Variants in RCOR3 observed in about 807,000 individuals in gnomAD.
RCOR3 encodes the protein REST corepressor 3.
A neutral mutation model predicts 64.1 loss-of-function variants in RCOR3; 13 were observed. That is an observed-to-expected ratio of 0.20 (90% CI 0.13 to 0.32). The LOEUF (loss-of-function observed/expected upper bound fraction) is 0.32, where lower values mean the gene tolerates loss of function less well. Ranked by LOEUF, RCOR3 falls within the 10% of genes least tolerant of loss-of-function variation. The pLI is 1.00. For synonymous variants in RCOR3, 215 were observed against 239.0 expected, an observed-to-expected ratio of 0.90 and a Z score of 0.93; for missense variants, 489 against 701.2, an observed-to-expected ratio of 0.70 and a Z score of 3.42.
At chr1:211,299,598 A>C (rs997248555) in intron 9 of RCOR3, among the ~76,000 whole-genome samples, 1 of 152,110 alleles carries the variant, frequency 6.6e-6, no homozygotes, top group Non-Finnish European at 1.5e-5. Flanking sequence ...GTATGAATCT[A>C]CCACTCACGA....
chr1:211,260,927 A>C (rs1370904294), intron 2 of RCOR3: 1 of 152,138 alleles, frequency 6.6e-6, no homozygotes, highest in East Asian at 1.9e-4. Context: ...TTCTCCAAAC[A>C]GGCTCCCCGG....
intron 5 of RCOR3, among the ~76,000 whole-genome samples, chr1:211,277,804 A>T (rs1697224162): frequency 6.6e-6 from 1 of 152,144 alleles, no homozygotes; most frequent in South Asian, 2.1e-4. Flanking sequence ...TAAAATAGAG[A>T]ATTTTATTTT....
intron 10 of RCOR3, among the ~76,000 whole-genome samples, chr1:211,307,041 C>T (rs1006535676): frequency 2.0e-5 from 3 of 152,068 alleles, no homozygotes; most frequent in South Asian, 4.1e-4. Context: ...TTTATTATGA[C>T]CAATAATGAT....
At chr1:211,262,748 CTG>C (rs1422776973) in intron 2 of RCOR3, among the ~76,000 whole-genome samples, 1 of 150,734 alleles carries the variant, frequency 6.6e-6, no homozygotes, top group Non-Finnish European at 1.5e-5. Flanking sequence ...AGGATAAACA[CTG>C]GAACAAATTT....
intron 7 of RCOR3, among the ~76,000 whole-genome samples, chr1:211,284,737 G>A (rs1010026488): frequency 6.6e-6 from 1 of 151,774 alleles, no homozygotes; most frequent in Non-Finnish European, 1.5e-5. Context: ...GTCCAGACTG[G>A]TCTTGAGCTT....
rs180772718 is a variant in RCOR3, at chr1:211,309,063, A to G, written c.1076-3657A>G. On this transcript the variant is annotated intron_variant, in intron 10 of 11. Transcript: ENST00000419091. The stretch of plus-strand genomic sequence containing the variant: ...TTAAACATACCAAAGGTAGCTATCC[A>G]TGCTATCCTTTCTAGCTAAACATAA... 1.2e-4 allele frequency among the ~76,000 whole-genome samples: 16 copies of G among 136,080 alleles called. No homozygotes were observed. The East Asian group carries it at 3.1e-3, about 26-fold the overall frequency. The allele number at this position is 136,080 out of a possible 152,430, so 89.3% of individuals were successfully genotyped here.
At chr1:211,278,042 T>C (rs1176294131) in intron 5 of RCOR3, 75 bp from the exon 6 acceptor site, 1 of 1,312,898 alleles carries the variant, frequency 7.6e-7, no homozygotes, top group East Asian at 2.5e-5. Context: ...CTTTACTAAA[T>C]AGTAAAGATA....
At chr1:211,293,075 C>G (rs1487179558) in intron 8 of RCOR3, among the ~76,000 whole-genome samples, 3 of 107,060 alleles carry the variant, frequency 2.8e-5, no homozygotes, top group Non-Finnish European at 5.6e-5. Context: ...CAGAGTGAGA[C>G]TCTGTCTCCA....
intron 8 of RCOR3, among the ~76,000 whole-genome samples, chr1:211,292,535 A>T (rs1046201773): frequency 1.8e-4 from 27 of 152,166 alleles, no homozygotes; most frequent in Non-Finnish European, 2.5e-4. Context: ...TTAACTTCCT[A>T]ACTTGGTTAT....
intron 9 of RCOR3, chr1:211,302,296 T>A (rs139500624): frequency 6.6e-6 from 1 of 152,342 alleles, no homozygotes; most frequent in East Asian, 1.9e-4. Context: ...AGAAACTTCA[T>A]GAAGTCTGTT....
intron 9 of RCOR3, among the ~76,000 whole-genome samples, chr1:211,297,027 C>T (rs1699921899): frequency 1.3e-5 from 2 of 151,896 alleles, no homozygotes; most frequent in South Asian, 4.1e-4. Flanking sequence ...GAAAATGTGT[C>T]TTATCAAAAT....
At chr1:211,273,625 G>C (rs1696548488) in intron 3 of RCOR3, among the ~76,000 whole-genome samples, 1 of 152,094 alleles carries the variant, frequency 6.6e-6, no homozygotes, top group South Asian at 2.1e-4. Flanking sequence ...TAATTCTGTT[G>C]GCTTAATTAC....
At chr1:211,284,199 G>A (rs1437798733) in intron 7 of RCOR3, among the ~76,000 whole-genome samples, 3 of 151,730 alleles carry the variant, frequency 2.0e-5, no homozygotes, top group South Asian at 2.1e-4. Flanking sequence ...GACTACAAGC[G>A]CCTGCCACCA....
At chr1:211,279,896 G>A (rs567264157) in intron 7 of RCOR3, among the ~76,000 whole-genome samples, 34 of 152,058 alleles carry the variant, frequency 2.2e-4, no homozygotes, top group African/African-American at 7.2e-4. Flanking sequence ...TGCTGGATTC[G>A]TTGCTATTCA....
rs749263768 is a variant in RCOR3, at chr1:211,315,046, T to A, written c.*1278T>A. ...GTCTTCTTAATTCAACCCATAATCA[T>A]TAAGTACTTAACAAAGAATATTTTA... On this transcript the variant is annotated 3_prime_UTR_variant, in exon 12 of 12. Coordinates refer to ENST00000419091, the MANE Select transcript of RCOR3 (RefSeq NM_001136223.3). 1.3e-5 allele frequency: 2 copies of A among 152,218 alleles called. No homozygotes were observed. The highest frequency in any genetic ancestry group is 2.4e-5 in the African/African-American group (1 of 41,454). 9.4% of individuals were successfully genotyped at this position (152,218 alleles called of 1,614,324 possible). A position where few individuals can be genotyped will look rare whatever the true frequency, so the allele number is the denominator to read the frequency against.
intron 10 of RCOR3, among the ~76,000 whole-genome samples, chr1:211,308,695 T>G (rs1251674924): frequency 4.9e-4 from 24 of 48,866 alleles, no homozygotes; most frequent in South Asian, 8.9e-4. Flanking sequence ...TTTTTTTTTT[T>G]TTTTGTGTAG....
chr1:211,285,866 T>C (rs1366373296), intron 7 of RCOR3, among the ~76,000 whole-genome samples: 2 of 152,222 alleles, frequency 1.3e-5, no homozygotes, highest in East Asian at 3.8e-4. Flanking sequence ...GTTAGTGTTA[T>C]TAGGTGCATA....
chr1:211,263,930 G>C (rs533344459), intron 2 of RCOR3, among the ~76,000 whole-genome samples: 1 of 151,800 alleles, frequency 6.6e-6, no homozygotes, highest in South Asian at 2.1e-4. Context: ...AAGCAATTCT[G>C]CCTCAGCCTC....
At chr1:211,265,453 C>G in intron 2 of RCOR3, among the ~76,000 whole-genome samples, 1 of 152,178 alleles carries the variant, frequency 6.6e-6, no homozygotes, top group East Asian at 1.9e-4. Flanking sequence ...CGCGGTGGCT[C>G]ACGCCTGTAA....
Sources: allele counts gnomAD v4.1 joint callset (sites outside exome capture counted in the v4.1 genomes callset), GRCh38; gene constraint gnomAD v4.1.1; transcripts MANE v1.5; gene names NCBI Gene and HGNC (gene_info 2026-07-23, HGNC 2026-07-21).